TENM2: variants seen among roughly 807,000 people sequenced by gnomAD.
TENM2 encodes the protein teneurin-2.
TENM2 carries 52 observed loss-of-function variants against 245.2 expected under a neutral mutation model. The observed-to-expected ratio is 0.21, with a 90% CI of 0.17 to 0.27. TENM2 has a LOEUF of 0.27. TENM2 is among the 10% of genes least tolerant of loss of function. The probability of loss-of-function intolerance (pLI) is 1.00; values close to 1 mark genes in which losing one functional copy is unlikely to be tolerated. For synonymous variants in TENM2, 1,363 were observed against 1,438.9 expected, an observed-to-expected ratio of 0.95 and a Z score of 1.19; for missense variants, 3,046 against 3,666.8, an observed-to-expected ratio of 0.83 and a Z score of 4.37.
chr5:167,241,969 C>T, the TENM2 span, among the ~76,000 whole-genome samples: 1 of 151,584 alleles, frequency 6.6e-6, no homozygotes, highest in Non-Finnish European at 1.5e-5. Flanking sequence ...TCTAGAACTA[C>T]ATGAGGGCCA....
At chr5:167,602,107 A>T (rs1357167617) in intron 2 of TENM2, among the ~76,000 whole-genome samples, 1 of 151,880 alleles carries the variant, frequency 6.6e-6, no homozygotes, top group East Asian at 1.9e-4. Context: ...TATGATCATT[A>T]AAGTTGCTGT....
chr5:168,200,094 G>T lies in TENM2; in HGVS notation c.3393G>T (p.Ala1131=), dbSNP rs375058000. ...CCTTCATCTGGGACAAGACAGATGCGTATGGCCAAAGGGTGTATGGACTCT... is the reference window on the plus strand; with the variant it reads ...CCTTCATCTGGGACAAGACAGATGCTTATGGCCAAAGGGTGTATGGACTCT... Residue 1131 remains alanine, a synonymous_variant, in exon 17 of 29, where the codon GCG becomes GCT. Coordinates refer to ENST00000518659, the Ensembl canonical transcript of TENM2. 2.5e-6 allele frequency: 4 copies of T among 1,613,556 alleles called. No individual in the cohort carries two copies. The African/African-American group carries it at 5.3e-5, about 22-fold the overall frequency.
chr5:168,127,101 G>A (rs1560650), intron 12 of TENM2, 135 bp downstream of exon 14: 302,587 of 768,754 alleles, frequency 0.39, 67,145 homozygotes, highest in East Asian at 0.9. Flanking sequence ...GGATAGGGAA[G>A]GAGAAAAATG....
At chr5:168,047,365 C>A in intron 5 of TENM2, 62 bp from the exon 8 acceptor site, 3 of 1,544,820 alleles carry the variant, frequency 1.9e-6, no homozygotes, top group Non-Finnish European at 2.6e-6. Context: ...CTGGCCCTCC[C>A]CCTTGACATT....
At chr5:167,599,381 T>C (rs1472467688) in intron 2 of TENM2, among the ~76,000 whole-genome samples, 1 of 152,150 alleles carries the variant, frequency 6.6e-6, no homozygotes, top group Non-Finnish European at 1.5e-5. Flanking sequence ...ACCTACAACC[T>C]AATGTTTCAG....
chr5:168,206,720 A>T (rs953769537), intron 19 of TENM2, among the ~76,000 whole-genome samples: 1 of 152,154 alleles, frequency 6.6e-6, no homozygotes, highest in Non-Finnish European at 1.5e-5. Context: ...ATCCTAGGAA[A>T]GCCTCCTTTT....
chr5:167,441,988 T>C (rs554792416), intron 2 of TENM2, among the ~76,000 whole-genome samples: 33 of 152,152 alleles, frequency 2.2e-4, no homozygotes, highest in Non-Finnish European at 4.1e-4. Flanking sequence ...GGTTTTTGCT[T>C]TAAAAATTTG....
the TENM2 span, among the ~76,000 whole-genome samples, chr5:167,069,399 C>T: frequency 6.6e-6 from 1 of 152,032 alleles, no homozygotes; most frequent in African/African-American, 2.4e-5. Flanking sequence ...CAAATCTTTC[C>T]CCAAATGTCA....
chr5:167,046,907 C>T, the TENM2 span, among the ~76,000 whole-genome samples: 1 of 151,934 alleles, frequency 6.6e-6, no homozygotes, highest in Middle Eastern at 3.4e-3. Flanking sequence ...TCCCTGTGTC[C>T]ATGTGTTCTC....
intron 2 of TENM2, among the ~76,000 whole-genome samples, chr5:167,735,586 C>T (rs868609712): frequency 6.8e-4 from 104 of 152,188 alleles, no homozygotes; most frequent in Middle Eastern, 6.8e-3. Flanking sequence ...GCAGGAGGAT[C>T]GCTTAAGCCA....
chr5:167,145,512 C>G, the TENM2 span, among the ~76,000 whole-genome samples: 1 of 152,140 alleles, frequency 6.6e-6, no homozygotes, highest in South Asian at 2.1e-4. Context: ...CTGACTGGAC[C>G]AAGTTACTGG....
At chr5:168,129,441 G>A (rs1754366802) in intron 12 of TENM2, 1 of 152,166 alleles carries the variant, frequency 6.6e-6, no homozygotes, top group Admixed American at 6.5e-5. Context: ...TGTTCAGAAC[G>A]ATGATCTCCT....
the TENM2 span, among the ~76,000 whole-genome samples, chr5:167,161,021 A>G: frequency 1.5e-4 from 23 of 152,220 alleles, no homozygotes; most frequent in Admixed American, 1.2e-3. Context: ...CTTGAACACT[A>G]GTGTCCTGAG....
the TENM2 span, among the ~76,000 whole-genome samples, chr5:167,261,110 T>G: frequency 3.9e-5 from 6 of 152,156 alleles, no homozygotes; most frequent in Non-Finnish European, 7.4e-5. Flanking sequence ...CAGAGTCTCA[T>G]GCCCTCCCCA....
intron 2 of TENM2, among the ~76,000 whole-genome samples, chr5:167,465,913 G>T (rs758203793): frequency 1.7e-4 from 26 of 152,244 alleles, no homozygotes; most frequent in Admixed American, 5.2e-4. Flanking sequence ...GGATGTATCA[G>T]TATCTGCCTT....
At chr5:167,463,843 G>T (rs551841365) in intron 2 of TENM2, among the ~76,000 whole-genome samples, 1 of 152,256 alleles carries the variant, frequency 6.6e-6, no homozygotes, top group East Asian at 1.9e-4. Flanking sequence ...TTTAAACTTT[G>T]CAAGAGTGTT....
intron 12 of TENM2, among the ~76,000 whole-genome samples, chr5:168,158,946 CAT>C (rs1013383780): frequency 5.0e-5 from 7 of 139,224 alleles, no homozygotes; most frequent in African/African-American, 1.6e-4. Context: ...TACGTATATA[CAT>C]ATATATATGT....
At chr5:167,749,293 G>GA (rs1582906205) in intron 2 of TENM2, among the ~76,000 whole-genome samples, 1 of 151,904 alleles carries the variant, frequency 6.6e-6, no homozygotes, top group Admixed American at 6.6e-5. Context: ...CAGTAATTAA[G>GA]AAAAAAATAA....
chr5:168,132,753 A>T (rs1041278821), intron 12 of TENM2, among the ~76,000 whole-genome samples: 1 of 152,230 alleles, frequency 6.6e-6, no homozygotes, highest in African/African-American at 2.4e-5. Context: ...AAAACATGGG[A>T]TGCATTGTCC....
Sources: allele counts gnomAD v4.1 joint callset (sites outside exome capture counted in the v4.1 genomes callset), GRCh38; gene constraint gnomAD v4.1.1; transcripts MANE v1.5; gene names NCBI Gene and HGNC (gene_info 2026-07-23, HGNC 2026-07-21).